Variants in MBNL2 observed in about 807,000 individuals in gnomAD.
The protein encoded by MBNL2 is muscleblind-like protein 2.
MBNL2 carries 17 observed loss-of-function variants against 41.9 expected under a neutral mutation model. The observed-to-expected ratio is 0.41, with a 90% confidence interval of 0.28 to 0.61. The LOEUF (loss-of-function observed/expected upper bound fraction) is 0.61. Among genes scored for constraint, MBNL2 ranks in the 20% least tolerant of loss-of-function variants. MBNL2 has a pLI of 0.35. For missense variants in MBNL2, 336 were observed against 505.6 expected (o/e 0.66, Z 3.22); for synonymous variants, 195 against 182.9 (o/e 1.07, Z -0.53).
chr13:97,196,468 A>G, the MBNL2 span, among the ~76,000 whole-genome samples: 1 of 152,186 alleles, frequency 6.6e-6, no homozygotes, highest in African/African-American at 2.4e-5. Context: ...TAGGCATAGT[A>G]AAGTGAACCT....
At chr13:97,143,391 C>G in the MBNL2 span, among the ~76,000 whole-genome samples, 1 of 152,180 alleles carries the variant, frequency 6.6e-6, no homozygotes, top group Non-Finnish European at 1.5e-5. Context: ...TTCCTGCCAT[C>G]AACACTTCCT....
At chr13:97,256,338 AT>A (rs992513090) in intron 1 of MBNL2, among the ~76,000 whole-genome samples, 3 of 150,528 alleles carry the variant, frequency 2.0e-5, no homozygotes, top group South Asian at 4.2e-4. Flanking sequence ...TGGGACATGG[AT>A]TTTTTTTAAT....
chr13:97,201,143 A>ATG, the MBNL2 span, among the ~76,000 whole-genome samples: 1 of 152,178 alleles, frequency 6.6e-6, no homozygotes, highest in African/African-American at 2.4e-5. Context: ...TGAGTTTTTA[A>ATG]TGATCTATCA....
At chr13:97,385,488 G>A (rs573746259) in intron 8 of MBNL2, among the ~76,000 whole-genome samples, 1 of 152,286 alleles carries the variant, frequency 6.6e-6, no homozygotes, top group East Asian at 1.9e-4. Flanking sequence ...CTAATTGCTT[G>A]ATGACTTGCA....
intron 8 of MBNL2, among the ~76,000 whole-genome samples, chr13:97,383,628 C>T (rs1399413285): frequency 6.6e-6 from 1 of 152,110 alleles, no homozygotes; most frequent in Admixed American, 6.5e-5. Context: ...ATAATTCTGG[C>T]AAAACTCCTC....
At chr13:97,265,960 G>A (rs2049686069) in intron 1 of MBNL2, among the ~76,000 whole-genome samples, 1 of 152,036 alleles carries the variant, frequency 6.6e-6, no homozygotes, top group Non-Finnish European at 1.5e-5. Flanking sequence ...CAATAAATTA[G>A]GCCGGGCACG....
At chr13:97,166,244 A>G in the MBNL2 span, among the ~76,000 whole-genome samples, 2 of 152,240 alleles carry the variant, frequency 1.3e-5, no homozygotes, top group Non-Finnish European at 2.9e-5. Context: ...ATGAGGTAGC[A>G]CATGAATAGT....
At position 97,334,196 on chromosome 13, in the gene MBNL2, TA is replaced by T; in HGVS notation, c.175-78del. The T allele has an allele frequency of 8.9e-7, 1 of 1,117,942 alleles. No homozygotes were observed. The highest frequency in any genetic ancestry group is 1.3e-6 in the Non-Finnish European group (1 of 765,916). The allele number at this position is 1,117,942 out of a possible 1,614,324, so 69.3% of individuals were successfully genotyped here. A position where few individuals can be genotyped will look rare whatever the true frequency, so the allele number is the denominator to read the frequency against. ...CACACAGGATCCTTGCTTTTGTGCA[TA>T]AGAAGTGATTGTTCAGTGGTTGACT... is the stretch of plus-strand genomic sequence containing the variant. On this transcript the variant is annotated intron_variant, in intron 2 of 8. Transcript: ENST00000679496. The surrounding 1 kb of genome is among the most constrained non-coding windows in gnomAD (Gnocchi z 5.3).
At chr13:97,248,045 G>T (rs1273903811) in intron 1 of MBNL2, among the ~76,000 whole-genome samples, 2 of 152,034 alleles carry the variant, frequency 1.3e-5, no homozygotes, top group Non-Finnish European at 2.9e-5. Flanking sequence ...TTATTATCTG[G>T]ATTTAGCATG....
the MBNL2 span, among the ~76,000 whole-genome samples, chr13:97,161,068 C>CA: frequency 0.042 from 6,390 of 152,210 alleles, 276 homozygotes; most frequent in East Asian, 0.21. Context: ...CTGAAAGTCC[C>CA]ACCTGAGACA....
chr13:97,342,918 T>G, intron 3 of MBNL2, 98 bp from the exon 4 acceptor site: 1 of 707,940 alleles, frequency 1.4e-6, no homozygotes, highest in South Asian at 1.7e-5. Flanking sequence ...TAACACAGAG[T>G]ATATGATGAA....
At chr13:97,162,166 C>T in the MBNL2 span, among the ~76,000 whole-genome samples, 1 of 152,132 alleles carries the variant, frequency 6.6e-6, no homozygotes, top group South Asian at 2.1e-4. Flanking sequence ...ACGAGAATAG[C>T]ACCAAGGGAG....
At chr13:97,168,584 T>C in the MBNL2 span, among the ~76,000 whole-genome samples, 4 of 152,074 alleles carry the variant, frequency 2.6e-5, no homozygotes, top group African/African-American at 9.7e-5. Context: ...GCCATGAGAG[T>C]CTGGATGTTT....
At position 97,259,572 on chromosome 13, in the gene MBNL2, C is replaced by T. The variant is rs185473374; in HGVS notation, c.-604-16060C>T. 1.5e-4 allele frequency among the ~76,000 whole-genome samples: 23 copies of T among 152,300 alleles called. No homozygotes were observed. The East Asian group carries it at 1.7e-3, about 12-fold the overall frequency. ...ATTCAGATGCTCCTTTTAGATCCCA[C>T]GGCTCAAAAGGCCTGCTGACAAATC... On this transcript the variant is annotated intron_variant, in intron 1 of 8. Transcript: ENST00000679496.
chr13:97,347,100 G>T, intron 5 of MBNL2, 33 bp downstream of exon 5: 1 of 1,481,610 alleles, frequency 6.7e-7, no homozygotes, highest in Non-Finnish European at 8.9e-7. Flanking sequence ...CCTGCACCCC[G>T]GCGCCTCTGC....
rs553164047 is a variant in MBNL2, at chr13:97,336,359, A to G, written c.339+1919A>G. 8.5e-5 allele frequency among the ~76,000 whole-genome samples: 13 copies of G among 152,324 alleles called. No homozygotes were observed. The East Asian group carries it at 2.5e-3, about 29-fold the overall frequency. Reference sequence around the variant, plus strand: ...GACCTAGTAGAGTATACGTGGCTGAATAATGGCTCTCGGAGGTACCTGGAA... The same window carrying G: ...GACCTAGTAGAGTATACGTGGCTGAGTAATGGCTCTCGGAGGTACCTGGAA... On this transcript the variant is annotated intron_variant, in intron 3 of 8. Transcript: ENST00000679496.
the MBNL2 span, among the ~76,000 whole-genome samples, chr13:97,195,435 T>C: frequency 2.0e-5 from 3 of 152,170 alleles, no homozygotes; most frequent in African/African-American, 7.2e-5. Context: ...GTCACTGTTA[T>C]CACCAGAATC....
chr13:97,373,852 T>C (rs1027704558), intron 8 of MBNL2, among the ~76,000 whole-genome samples: 1 of 152,040 alleles, frequency 6.6e-6, no homozygotes, highest in East Asian at 1.9e-4. Flanking sequence ...GTTATGTAAG[T>C]GTTGTAATCT....
the MBNL2 span, among the ~76,000 whole-genome samples, chr13:97,148,421 A>G: frequency 1.3e-5 from 2 of 152,216 alleles, no homozygotes; most frequent in African/African-American, 4.8e-5. Flanking sequence ...CACAGAATAT[A>G]CAACACCAAG....
Sources: allele counts gnomAD v4.1 joint callset (sites outside exome capture counted in the v4.1 genomes callset), GRCh38; gene constraint gnomAD v4.1.1; non-coding constraint Gnocchi (gnomAD v3.1); transcripts MANE v1.5; gene names NCBI Gene and HGNC (gene_info 2026-07-23, HGNC 2026-07-21).